Variants in NRG1 observed in about 807,000 individuals in gnomAD.
The protein encoded by NRG1 is neuregulin 1, also known as pro-neuregulin-1, membrane-bound isoform.
Under a neutral mutation model 63.8 loss-of-function variants are expected in NRG1, and 18 were observed. The observed-to-expected ratio is 0.28, with a 90% CI of 0.19 to 0.42. The LOEUF (loss-of-function observed/expected upper bound fraction) is 0.42. Among genes scored for constraint, NRG1 ranks in the 10% least tolerant of loss-of-function variants. The pLI is 1.00. For synonymous variants in NRG1, 302 were observed against 301.3 expected, an observed-to-expected ratio of 1.00 and a Z score of -0.02; for missense variants, 762 against 814.7, an observed-to-expected ratio of 0.94 and a Z score of 0.79.
At chr8:32,667,585 G>A (rs553444742) in intron 5 of NRG1, among the ~76,000 whole-genome samples, 8 of 152,184 alleles carry the variant, frequency 5.3e-5, no homozygotes, top group Non-Finnish European at 1.2e-4. Flanking sequence ...AAAAATGCTT[G>A]TAGGGAAAAC....
intron 1 of NRG1, among the ~76,000 whole-genome samples, chr8:31,933,340 G>A (rs1442450726): frequency 6.6e-6 from 1 of 151,858 alleles, no homozygotes; most frequent in African/African-American, 2.4e-5. Context: ...GAGTGCAGTG[G>A]CACCATCTCG....
At chr8:31,723,605 G>A (rs1177391245) in intron 1 of NRG1, among the ~76,000 whole-genome samples, 1 of 152,082 alleles carries the variant, frequency 6.6e-6, no homozygotes, top group East Asian at 1.9e-4. Flanking sequence ...CTATAGATGT[G>A]TGCTGTGGTG....
intron 5 of NRG1, among the ~76,000 whole-genome samples, chr8:32,696,471 G>T (rs1428924044): frequency 6.6e-6 from 1 of 151,972 alleles, no homozygotes; most frequent in Non-Finnish European, 1.5e-5. Context: ...GGGCTGTTCT[G>T]CATTAGAGAG....
intron 1 of NRG1, among the ~76,000 whole-genome samples, chr8:31,984,335 C>G (rs1809672629): frequency 6.6e-6 from 1 of 151,996 alleles, no homozygotes; most frequent in East Asian, 1.9e-4. Context: ...CATAAAATCT[C>G]ATATTTTGCC....
At chr8:31,968,090 C>T (rs1026359976) in intron 1 of NRG1, among the ~76,000 whole-genome samples, 5 of 152,110 alleles carry the variant, frequency 3.3e-5, no homozygotes, top group Non-Finnish European at 7.4e-5. Flanking sequence ...TGTTAATTTC[C>T]TCCAATATTG....
intron 5 of NRG1, among the ~76,000 whole-genome samples, chr8:32,698,309 G>T (rs1813910839): frequency 6.6e-6 from 1 of 152,086 alleles, no homozygotes; most frequent in Non-Finnish European, 1.5e-5. Flanking sequence ...TCAAGGAACA[G>T]CTGGAAAATG....
rs1240897118 is a variant in NRG1, at chr8:31,918,779, AC to A, written c.37+279350del. 1.8e-4 allele frequency among the ~76,000 whole-genome samples: 27 copies of A among 152,246 alleles called. No homozygotes were observed. In the South Asian group the frequency reaches 5.0e-3, roughly 28 times the overall value. ...TTGGAATAGTTTCAGAAGGAATGGT[AC>A]CAGTTCCTCCTTGTACCTCTGGTAG... On this transcript the variant is annotated intron_variant, in intron 1 of 10. Transcript: ENST00000519301.
At chr8:31,738,948 G>C (rs975749565) in intron 1 of NRG1, among the ~76,000 whole-genome samples, 1 of 151,940 alleles carries the variant, frequency 6.6e-6, no homozygotes. Context: ...TCCAAATAAG[G>C]TCACATTCTG....
chr8:31,793,085 C>G (rs1392567099), intron 1 of NRG1, among the ~76,000 whole-genome samples: 1 of 152,148 alleles, frequency 6.6e-6, no homozygotes, highest in South Asian at 2.1e-4. Context: ...AACAATAGCA[C>G]CAACTAGCAC....
intron 1 of NRG1, among the ~76,000 whole-genome samples, chr8:32,020,592 T>C (rs1170274208): frequency 6.6e-6 from 1 of 152,188 alleles, no homozygotes; most frequent in Non-Finnish European, 1.5e-5. Flanking sequence ...TTATTAATTC[T>C]CTAGTGAAAC....
At chr8:32,349,982 A>G (rs911981367) in intron 1 of NRG1, among the ~76,000 whole-genome samples, 1 of 152,158 alleles carries the variant, frequency 6.6e-6, no homozygotes, top group Non-Finnish European at 1.5e-5. Context: ...TTGCATCAAC[A>G]AATCTTTTTC....
chr8:32,354,283 C>T (rs1042754216), intron 1 of NRG1, among the ~76,000 whole-genome samples: 7 of 152,056 alleles, frequency 4.6e-5, no homozygotes, highest in East Asian at 1.9e-4. Context: ...GCAGGAGAAT[C>T]GCTAGAACCC....
chr8:31,669,120 G>T (rs1242868495), intron 1 of NRG1, among the ~76,000 whole-genome samples: 1 of 151,910 alleles, frequency 6.6e-6, no homozygotes, highest in African/African-American at 2.4e-5. Context: ...TAGTGGTGCG[G>T]TCATGGCTCA....
intron 1 of NRG1, among the ~76,000 whole-genome samples, chr8:32,557,629 T>C (rs1020519058): frequency 6.6e-6 from 1 of 152,172 alleles, no homozygotes; most frequent in Admixed American, 6.5e-5. Context: ...AAGGATTAGA[T>C]GAAATACAGA....
chr8:31,805,419 A>G lies in NRG1; in HGVS notation c.37+165988A>G, dbSNP rs368685014. Among the ~76,000 whole-genome samples, 9 of 152,258 alleles carry G rather than the reference A, an allele frequency of 5.9e-5. No homozygotes were observed. The East Asian group carries it at 9.6e-4, about 16-fold the overall frequency. On this transcript the variant is annotated intron_variant, in intron 1 of 10. Coordinates refer to the NRG1 transcript ENST00000519301. The stretch of plus-strand genomic sequence containing the variant: ...ATATTAAATTTTACCTCTCATGAAA[A>G]TAGAGTAGATAATTATTATGGATTA...
intron 1 of NRG1, among the ~76,000 whole-genome samples, chr8:31,905,051 G>C (rs972236521): frequency 7.2e-5 from 11 of 151,794 alleles, no homozygotes; most frequent in Admixed American, 6.6e-4. Context: ...AGATCATCTA[G>C]ACTTGGGTAG....
chr8:32,087,747 G>A (rs147213906), intron 1 of NRG1, among the ~76,000 whole-genome samples: 1,722 of 152,160 alleles, frequency 0.011, 31 homozygotes, highest in African/African-American at 0.04. Flanking sequence ...GGGATTACAG[G>A]CGTGAGGCGC....
At chr8:32,258,820 C>A (rs1432860032) in intron 1 of NRG1, among the ~76,000 whole-genome samples, 2 of 152,042 alleles carry the variant, frequency 1.3e-5, no homozygotes, top group South Asian at 2.1e-4. Context: ...GTGGGCACAG[C>A]CAAAACATAT....
At chr8:31,790,098 A>G (rs1433016465) in intron 1 of NRG1, among the ~76,000 whole-genome samples, 1 of 152,206 alleles carries the variant, frequency 6.6e-6, no homozygotes, top group Non-Finnish European at 1.5e-5. Flanking sequence ...CATAGTTATG[A>G]TGTGGTAAAG....
Sources: allele counts gnomAD v4.1 joint callset (sites outside exome capture counted in the v4.1 genomes callset), GRCh38; gene constraint gnomAD v4.1.1; transcripts MANE v1.5; gene names NCBI Gene and HGNC (gene_info 2026-07-23, HGNC 2026-07-21).